KMT2E: variants seen among roughly 807,000 people sequenced by gnomAD.
KMT2E encodes the protein histone reader KMT2E.
Under a neutral mutation model 184.6 loss-of-function variants are expected in KMT2E, and 30 were observed. That is an observed-to-expected ratio of 0.16 (90% CI 0.12 to 0.22). KMT2E has a LOEUF of 0.22. KMT2E is among the 10% of genes least tolerant of loss of function. The pLI, the probability that KMT2E is intolerant of heterozygous loss-of-function variation, is 1.00. For missense variants in KMT2E, 2,023 were observed against 2,237.4 expected, an observed-to-expected ratio of 0.90 and a Z score of 1.93; for synonymous variants, 815 against 776.5, an observed-to-expected ratio of 1.05 and a Z score of -0.82.
rs373707399 is a variant in KMT2E at position 105,107,883 on chromosome 7, C to G, written c.3426C>G (p.Ile1142Met). ...GACGGACTGTTAATGACAATTTGAT[C>G]GACGGGAATTGCACACCCCAGAATC... is the stretch of plus-strand genomic sequence containing the variant. ...GFGRTVNDNL[I>M]DGNCTPQNPP... The change falls in exon 22 of 27, where the codon ATC (isoleucine) becomes ATG (methionine). Residue 1142 changes from isoleucine to methionine, a missense_variant. By Grantham distance (10) the Ile-to-Met change is conservative. Coordinates refer to ENST00000311117, the MANE Select transcript of KMT2E (RefSeq NM_182931.3). 63 of 1,613,106 alleles carry G rather than the reference C, an allele frequency of 3.9e-5. No homozygotes were observed. Among genetic ancestry groups the G allele is most frequent in the Non-Finnish European group, 5.3e-5 (62 of 1,179,802 alleles).
At chr7:105,021,232 C>T (rs1794938786) in intron 1 of KMT2E, among the ~76,000 whole-genome samples, 1 of 152,212 alleles carries the variant, frequency 6.6e-6, no homozygotes, top group African/African-American at 2.4e-5. Flanking sequence ...AAATAAGTCT[C>T]TGCTTCTTCT....
At chr7:105,088,961 G>C (rs1798094520) in intron 13 of KMT2E, among the ~76,000 whole-genome samples, 1 of 152,134 alleles carries the variant, frequency 6.6e-6, no homozygotes, top group Non-Finnish European at 1.5e-5. Context: ...AACTAGTTGA[G>C]GTTCAGTATT....
intron 6 of KMT2E, among the ~76,000 whole-genome samples, chr7:105,070,707 G>A (rs190144305): frequency 1.6e-4 from 24 of 151,628 alleles, no homozygotes; most frequent in Non-Finnish European, 3.1e-4. Flanking sequence ...CAGCTCTTTG[G>A]GGGGCTGAGG....
intron 13 of KMT2E, among the ~76,000 whole-genome samples, chr7:105,086,849 AG>A (rs1271863061): frequency 6.8e-6 from 1 of 147,272 alleles, no homozygotes; most frequent in Non-Finnish European, 1.5e-5. Context: ...TAGCATATAT[AG>A]TATATATAAT....
chr7:105,017,107 G>T (rs1340698641), intron 1 of KMT2E, among the ~76,000 whole-genome samples: 1 of 152,128 alleles, frequency 6.6e-6, no homozygotes, highest in Non-Finnish European at 1.5e-5. Context: ...TATTTTAAAG[G>T]CTGGGTGATT....
chr7:105,043,502 C>T (rs1795974410), intron 3 of KMT2E, among the ~76,000 whole-genome samples: 1 of 152,126 alleles, frequency 6.6e-6, no homozygotes, highest in Admixed American at 6.5e-5. Context: ...TCCCAAAGTG[C>T]TGGGATTACA....
intron 13 of KMT2E, among the ~76,000 whole-genome samples, chr7:105,083,564 T>A (rs977806777): frequency 1.5e-4 from 23 of 152,210 alleles, no homozygotes; most frequent in African/African-American, 4.8e-4. Context: ...TTGTTTTCCC[T>A]TCAAGGCTTG....
At chr7:105,103,539 T>A (rs1798748328) in intron 17 of KMT2E, 1 of 152,150 alleles carries the variant, frequency 6.6e-6, no homozygotes, top group Non-Finnish European at 1.5e-5. Flanking sequence ...GATTGAGATA[T>A]AAAAAAGTTA....
Position 105,112,787 on chromosome 7 carries a change from A to ACCCCCCCCCCCCC in KMT2E, c.5036_5037insCCCCCCCCCCCCC (p.Pro1684ThrfsTer189). On this transcript the variant is annotated frameshift_variant, in exon 27 of 27. Coordinates refer to ENST00000311117, the MANE Select transcript of KMT2E (RefSeq NM_182931.3). LOFTEE classifies it high-confidence loss of function. The stretch of plus-strand genomic sequence containing the variant: ...ATTCTCAAACTGCTGGACACCACTT[A>ACCCCCCCCCCCCC]CCCCCACCCCCACCCCCTCCTGGTC... 5 of 1,462,820 alleles carry ACCCCCCCCCCCCC rather than the reference A, an allele frequency of 3.4e-6. No homozygotes were observed. The highest frequency in any genetic ancestry group is 1.2e-5 in the South Asian group (1 of 86,788). 90.6% of individuals were successfully genotyped at this position (1,462,820 alleles called of 1,614,324 possible).
At chr7:105,108,018 C>A in intron 22 of KMT2E, 93 bp downstream of exon 22, 3 of 772,916 alleles carry the variant, frequency 3.9e-6, no homozygotes, top group East Asian at 3.2e-5. Flanking sequence ...TTATGTAAGG[C>A]ATTCTTAATT....
Position 105,063,598 on chromosome 7 carries a change from ATTATT to A in KMT2E, c.416+26_416+30del. ...AAATGCAGGTAAAATATTTTACACC[ATTATT>A]TTATTTTTCTTGAATGCTGATAACC... On this transcript the variant is annotated intron_variant, in intron 5 of 26. Transcript: ENST00000311117. 6.8e-7 allele frequency: 1 copy of A among 1,472,744 alleles called. No individual in the cohort carries two copies. The highest frequency in any genetic ancestry group is 9.3e-7 in the Non-Finnish European group (1 of 1,079,042). 91.2% of individuals were successfully genotyped at this position (1,472,744 alleles called of 1,614,324 possible). A position where few individuals can be genotyped will look rare whatever the true frequency, so the allele number is the denominator to read the frequency against.
intron 3 of KMT2E, among the ~76,000 whole-genome samples, chr7:105,058,200 C>G (rs1796649660): frequency 6.6e-6 from 1 of 152,164 alleles, no homozygotes; most frequent in African/African-American, 2.4e-5. Flanking sequence ...ATATAATTAG[C>G]TTCGAGTTCT....
chr7:105,099,824 A>T (rs533981017), intron 15 of KMT2E, among the ~76,000 whole-genome samples: 1 of 152,308 alleles, frequency 6.6e-6, no homozygotes, highest in East Asian at 1.9e-4. Flanking sequence ...CCTCCTCTCC[A>T]ACCAGGTTCA....
chr7:105,028,987 G>T (rs905926042), intron 1 of KMT2E, among the ~76,000 whole-genome samples: 1 of 152,032 alleles, frequency 6.6e-6, no homozygotes, highest in South Asian at 2.1e-4. Flanking sequence ...CTCTAAGGCC[G>T]GGCACGGTGG....
intron 1 of KMT2E, among the ~76,000 whole-genome samples, chr7:105,019,104 T>C (rs1794839473): frequency 6.6e-6 from 1 of 152,152 alleles, no homozygotes; most frequent in Non-Finnish European, 1.5e-5. Flanking sequence ...TTTTTTGTTA[T>C]TGTGAACTTC....
chr7:105,027,239 T>C (rs1039757600), intron 1 of KMT2E, among the ~76,000 whole-genome samples: 1 of 151,972 alleles, frequency 6.6e-6, no homozygotes, highest in Non-Finnish European at 1.5e-5. Context: ...CATGTCACCA[T>C]GTCTGGCTAA....
chr7:105,069,503 G>T (rs1485197926), intron 6 of KMT2E, among the ~76,000 whole-genome samples: 2 of 152,202 alleles, frequency 1.3e-5, no homozygotes, highest in African/African-American at 2.4e-5. Flanking sequence ...GTGTACGAGG[G>T]TTTTATGGTC....
chr7:105,110,816 C>T lies in KMT2E; in HGVS notation c.4016C>T (p.Pro1339Leu). The change falls in exon 26 of 27, where the codon CCA becomes CTA. Residue 1339 changes from proline to leucine, a missense_variant. This residue lies in a region of KMT2E where 1,108 missense variants were observed against 1,050.9 expected (regional missense o/e 1.05). Coordinates refer to ENST00000311117, the MANE Select transcript of KMT2E (RefSeq NM_182931.3). Reference sequence around the variant, plus strand: ...GAACCCACAACTACGAATGAATGTCCATCCCCAGATACTTCTCAAAATACT... The same window carrying T: ...GAACCCACAACTACGAATGAATGTCTATCCCCAGATACTTCTCAAAATACT... ...NPEPTTTNEC[P>L]SPDTSQNTCK... The T allele has an allele frequency of 6.2e-7, 1 of 1,614,054 alleles. No individual in the cohort carries two copies. The highest frequency in any genetic ancestry group is 1.1e-5 in the South Asian group (1 of 91,078).
At position 105,105,401 on chromosome 7, in the gene KMT2E, T is replaced by C. The variant is rs773941769; in HGVS notation, c.2197-38T>C. ...AGAATATTCAAGGGAGAATTTGGAA[T>C]TACATATATAATGATCCAATTTTTT... On this transcript the variant is annotated intron_variant, in intron 17 of 26. Coordinates refer to ENST00000311117, the MANE Select transcript of KMT2E (RefSeq NM_182931.3). The C allele has an allele frequency of 8.9e-6, 13 of 1,453,860 alleles. No individual in the cohort carries two copies. The South Asian group carries it at 1.7e-4, about 19-fold the overall frequency. 90.1% of individuals were successfully genotyped at this position (1,453,860 alleles called of 1,614,324 possible).
Sources: allele counts gnomAD v4.1 joint callset (sites outside exome capture counted in the v4.1 genomes callset), GRCh38; gene constraint gnomAD v4.1.1; regional missense constraint gnomAD v4.1.1; transcripts MANE v1.5; gene names NCBI Gene and HGNC (gene_info 2026-07-23, HGNC 2026-07-21).